The following ASTN2 variants were observed in gnomAD, a reference collection of about 807,000 sequenced individuals.
ASTN2 encodes astrotactin-2.
Under a neutral mutation model 139.8 loss-of-function variants are expected in ASTN2, and 54 were observed. The observed-to-expected ratio is 0.39, with a 90% CI of 0.31 to 0.48. The LOEUF is 0.48. Among genes scored for constraint, ASTN2 ranks in the 20% least tolerant of loss-of-function variants. The pLI is 0.95. For missense variants in ASTN2, 1,565 were observed against 1,725.1 expected, an observed-to-expected ratio of 0.91 and a Z score of 1.64; for synonymous variants, 756 against 719.5, an observed-to-expected ratio of 1.05 and a Z score of -0.81.
rs72762236 is a variant in ASTN2, at chr9:117,206,149, C to T, written c.1015+8209G>A. Among the ~76,000 whole-genome samples, 318 of 152,254 alleles carry T rather than the reference C, an allele frequency of 2.1e-3. 1 individual carries two copies. Among genetic ancestry groups the T allele is most frequent in the Middle Eastern group, 6.8e-3 (2 of 294 alleles). ...AACAGCTAGGATTTGACCTGAGTGTCGTCGAAGGCAGAGCACCGAAATGCA... is the reference window on the plus strand; with the variant it reads ...AACAGCTAGGATTTGACCTGAGTGTTGTCGAAGGCAGAGCACCGAAATGCA... On this transcript the variant is annotated intron_variant, in intron 3 of 22. Transcript: ENST00000313400.
chr9:117,009,302 A>T (rs756125315), intron 6 of ASTN2, among the ~76,000 whole-genome samples: 20 of 152,200 alleles, frequency 1.3e-4, no homozygotes, highest in Admixed American at 2.0e-4. Flanking sequence ...ATATGTGGAA[A>T]CATACATATA....
chr9:116,859,298 A>T (rs765450033), intron 11 of ASTN2, among the ~76,000 whole-genome samples: 1 of 152,218 alleles, frequency 6.6e-6, no homozygotes, highest in Non-Finnish European at 1.5e-5. Flanking sequence ...TGCAGGGGCC[A>T]TTATTTTGCC....
chr9:116,883,074 C>T (rs994018498), intron 10 of ASTN2, among the ~76,000 whole-genome samples: 2 of 152,142 alleles, frequency 1.3e-5, no homozygotes, highest in Non-Finnish European at 2.9e-5. Context: ...CAGATGATGA[C>T]ATATGCACAA....
At chr9:117,253,778 G>A (rs1833605562) in intron 2 of ASTN2, among the ~76,000 whole-genome samples, 1 of 152,190 alleles carries the variant, frequency 6.6e-6, no homozygotes, top group Non-Finnish European at 1.5e-5. Flanking sequence ...TTGTGGGGAG[G>A]ATGGGCCTAC....
chr9:117,101,222 C>T (rs1420857782), intron 4 of ASTN2, among the ~76,000 whole-genome samples: 1 of 152,176 alleles, frequency 6.6e-6, no homozygotes, highest in Non-Finnish European at 1.5e-5. Context: ...CCACCCAAGG[C>T]ATACAGCCTC....
intron 10 of ASTN2, among the ~76,000 whole-genome samples, chr9:116,893,705 C>T (rs1363164409): frequency 2.0e-5 from 3 of 152,122 alleles, no homozygotes; most frequent in Admixed American, 6.5e-5. Flanking sequence ...CTCCCTCTCT[C>T]CTCTCTTCCC....
At chr9:116,906,447 T>C (rs1171093629) in intron 10 of ASTN2, among the ~76,000 whole-genome samples, 1 of 52,504 alleles carries the variant, frequency 1.9e-5, no homozygotes, top group Non-Finnish European at 6.6e-5. Context: ...GAACTGAGAT[T>C]CCAGCCCCCC....
chr9:117,028,655 C>A (rs2132629159), intron 6 of ASTN2, among the ~76,000 whole-genome samples: 1 of 152,260 alleles, frequency 6.6e-6, no homozygotes, highest in East Asian at 1.9e-4. Flanking sequence ...TGTGATCCTT[C>A]TAAGCTGTCT....
intron 11 of ASTN2, among the ~76,000 whole-genome samples, chr9:116,832,405 A>C (rs10115783): frequency 6.6e-6 from 1 of 151,766 alleles, no homozygotes; most frequent in Non-Finnish European, 1.5e-5. Context: ...GTTGAATAAC[A>C]GTGGGCAGAG....
intron 1 of ASTN2, among the ~76,000 whole-genome samples, chr9:117,333,021 C>A (rs1828762167): frequency 6.6e-6 from 1 of 152,060 alleles, no homozygotes; most frequent in Non-Finnish European, 1.5e-5. Context: ...TATGGGGTTT[C>A]TTTTCACGGT....
chr9:116,507,463 T>C (rs1850161382), intron 19 of ASTN2, among the ~76,000 whole-genome samples: 1 of 152,118 alleles, frequency 6.6e-6, no homozygotes, highest in Non-Finnish European at 1.5e-5. Context: ...TGAATGTCTG[T>C]GTTAATGGCA....
intron 7 of ASTN2, among the ~76,000 whole-genome samples, chr9:116,999,646 G>A (rs1343469246): frequency 4.6e-5 from 6 of 129,568 alleles, no homozygotes. Context: ...TGCAACCTTC[G>A]CCTCTCAGGC....
chr9:116,811,566 C>G (rs1405682552), intron 12 of ASTN2, among the ~76,000 whole-genome samples: 3 of 152,172 alleles, frequency 2.0e-5, no homozygotes, highest in African/African-American at 7.2e-5. Context: ...GCTAACTAAA[C>G]TTGAGTTCAA....
intron 20 of ASTN2, among the ~76,000 whole-genome samples, chr9:116,466,520 T>C (rs1175756014): frequency 2.0e-5 from 3 of 152,162 alleles, no homozygotes; most frequent in African/African-American, 7.2e-5. Flanking sequence ...CTATTCTCTT[T>C]TCATAAATTT....
chr9:116,967,960 C>T (rs997924458), intron 10 of ASTN2, among the ~76,000 whole-genome samples: 5 of 152,200 alleles, frequency 3.3e-5, no homozygotes, highest in African/African-American at 1.2e-4. Flanking sequence ...GGACACACTG[C>T]ATCACATGGT....
At chr9:117,243,032 T>G (rs1275197613) in intron 2 of ASTN2, among the ~76,000 whole-genome samples, 2 of 152,242 alleles carry the variant, frequency 1.3e-5, no homozygotes, top group Non-Finnish European at 2.9e-5. Flanking sequence ...ATTAAGAGTC[T>G]TCCATTTTTC....
chr9:116,437,335 T>C, intron 22 of ASTN2: 2 of 471,340 alleles, frequency 4.2e-6, no homozygotes, highest in Middle Eastern at 3.2e-4. Flanking sequence ...GGAGGCAGTT[T>C]CCTTGATTCC....
intron 22 of ASTN2, chr9:116,437,175 T>C: frequency 2.7e-6 from 1 of 366,642 alleles, no homozygotes; most frequent in South Asian, 2.2e-5. Flanking sequence ...TGTGCACATG[T>C]ACCCTAAAAC....
At chr9:117,087,208 A>AT (rs996533332) in intron 5 of ASTN2, among the ~76,000 whole-genome samples, 13 of 144,832 alleles carry the variant, frequency 9.0e-5, no homozygotes, top group African/African-American at 3.1e-4. Context: ...TTCCTTTTTC[A>AT]TTTTTTTCTT....
Sources: gnomAD v4.1 joint callset for allele counts (sites outside exome capture counted in the v4.1 genomes callset) on GRCh38, gnomAD v4.1.1 for gene constraint, MANE v1.5 for transcripts, NCBI Gene and HGNC (gene_info 2026-07-23, HGNC 2026-07-21) for gene names.